SCHIP1: variants seen among roughly 807,000 people sequenced by gnomAD.
SCHIP1 encodes schwannomin interacting protein 1.
A neutral mutation model predicts 29.7 loss-of-function variants in SCHIP1; 8 were observed. That is an observed-to-expected ratio of 0.27 (90% CI 0.16 to 0.49). The LOEUF (loss-of-function observed/expected upper bound fraction) is 0.49, where lower values mean the gene tolerates loss of function less well. SCHIP1 is among the 20% of genes least tolerant of loss of function. The pLI is 0.99. For missense variants in SCHIP1, 193 were observed against 294.6 expected, an observed-to-expected ratio of 0.66 and a Z score of 2.52; for synonymous variants, 76 against 94.9, an observed-to-expected ratio of 0.80 and a Z score of 1.16.
intron 6 of SCHIP1, 145 bp downstream of exon 7, chr3:159,892,335 T>G (rs1717620361): frequency 2.3e-6 from 2 of 873,946 alleles, no homozygotes; most frequent in Non-Finnish European, 3.6e-6. Context: ...GCTGTTCAGA[T>G]GGAGGGGAAG....
chr3:159,289,339 T>G, the SCHIP1 span, among the ~76,000 whole-genome samples: 1 of 152,234 alleles, frequency 6.6e-6, no homozygotes, highest in South Asian at 2.1e-4. Flanking sequence ...TCCTATGTGA[T>G]CTGGTCATTT....
At chr3:159,636,427 G>T in the SCHIP1 span, among the ~76,000 whole-genome samples, 1 of 152,216 alleles carries the variant, frequency 6.6e-6, no homozygotes, top group South Asian at 2.1e-4. Context: ...TGTTTTCTCT[G>T]CTGAAGCTAA....
chr3:159,570,204 C>A, the SCHIP1 span, among the ~76,000 whole-genome samples: 57 of 152,152 alleles, frequency 3.7e-4, no homozygotes, highest in African/African-American at 1.2e-3. Flanking sequence ...TGTTTTAGTC[C>A]TGAAGTCCTT....
upstream of SCHIP1, among the ~76,000 whole-genome samples, chr3:159,837,583 C>T (rs914214411): frequency 2.0e-5 from 3 of 152,086 alleles, no homozygotes; most frequent in Non-Finnish European, 2.9e-5. Context: ...ATTAGCCGGG[C>T]GTGGTGGTGC....
the SCHIP1 span, among the ~76,000 whole-genome samples, chr3:159,703,155 T>A: frequency 6.6e-6 from 1 of 152,212 alleles, no homozygotes; most frequent in Non-Finnish European, 1.5e-5. Context: ...CCTTTCTGTT[T>A]AGACTGAAGC....
the SCHIP1 span, among the ~76,000 whole-genome samples, chr3:159,355,210 A>G: frequency 6.6e-6 from 1 of 151,988 alleles, no homozygotes; most frequent in Non-Finnish European, 1.5e-5. Flanking sequence ...GCACACACAC[A>G]TACAAACCTC....
At chr3:159,438,913 C>T in the SCHIP1 span, among the ~76,000 whole-genome samples, 1 of 152,052 alleles carries the variant, frequency 6.6e-6, no homozygotes, top group Non-Finnish European at 1.5e-5. Context: ...ATGTTGATTC[C>T]ATGTCTTTGC....
the SCHIP1 span, among the ~76,000 whole-genome samples, chr3:159,588,799 G>T: frequency 2.0e-5 from 3 of 152,044 alleles, no homozygotes; most frequent in African/African-American, 7.2e-5. Context: ...ATTTCTGAGG[G>T]CTCTGTTCTG....
At chr3:159,423,669 C>T in the SCHIP1 span, among the ~76,000 whole-genome samples, 2 of 152,246 alleles carry the variant, frequency 1.3e-5, no homozygotes, top group South Asian at 4.1e-4. Flanking sequence ...CCTCCGCAGA[C>T]TTAAATGTCC....
the SCHIP1 span, among the ~76,000 whole-genome samples, chr3:159,684,462 T>C: frequency 6.6e-6 from 1 of 152,122 alleles, no homozygotes; most frequent in Non-Finnish European, 1.5e-5. Context: ...CATTAACCCT[T>C]CCATGTTACA....
the SCHIP1 span, among the ~76,000 whole-genome samples, chr3:159,332,779 G>T: frequency 6.6e-6 from 1 of 152,202 alleles, no homozygotes. Flanking sequence ...GGGGTGGGCA[G>T]GGTGAAGCAA....
the SCHIP1 span, among the ~76,000 whole-genome samples, chr3:159,643,801 G>T: frequency 6.6e-6 from 1 of 152,072 alleles, no homozygotes; most frequent in Non-Finnish European, 1.5e-5. Context: ...AATGCATAAT[G>T]AACCTGGCCT....
chr3:159,691,316 T>G, the SCHIP1 span, among the ~76,000 whole-genome samples: 1 of 152,204 alleles, frequency 6.6e-6, no homozygotes, highest in Non-Finnish European at 1.5e-5. Flanking sequence ...CTCTTCTTGT[T>G]GCACTTATCC....
the SCHIP1 span, among the ~76,000 whole-genome samples, chr3:159,634,128 G>A: frequency 6.6e-6 from 1 of 152,080 alleles, no homozygotes; most frequent in Non-Finnish European, 1.5e-5. Flanking sequence ...AGAGAGCTTA[G>A]TAACAGAAAA....
the SCHIP1 span, among the ~76,000 whole-genome samples, chr3:159,558,884 C>T: frequency 6.6e-6 from 1 of 152,138 alleles, no homozygotes; most frequent in Non-Finnish European, 1.5e-5. Flanking sequence ...CCTTATGACT[C>T]TGTATTATCT....
the SCHIP1 span, among the ~76,000 whole-genome samples, chr3:159,644,614 C>A: frequency 6.6e-6 from 1 of 152,110 alleles, no homozygotes; most frequent in Admixed American, 6.6e-5. Context: ...GATCAATAAG[C>A]AGGACCATAA....
the SCHIP1 span, among the ~76,000 whole-genome samples, chr3:159,563,671 A>C: frequency 6.6e-6 from 1 of 152,158 alleles, no homozygotes; most frequent in Non-Finnish European, 1.5e-5. Context: ...TCTACAAAAA[A>C]TGAAAACAGC....
At chr3:159,751,562 T>TTTG in the SCHIP1 span, among the ~76,000 whole-genome samples, 2 of 151,934 alleles carry the variant, frequency 1.3e-5, no homozygotes, top group African/African-American at 4.8e-5. Flanking sequence ...TTTTTTTTTT[T>TTTG]GAGACGGAGT....
the SCHIP1 span, among the ~76,000 whole-genome samples, chr3:159,690,808 T>A: frequency 1.3e-5 from 2 of 152,236 alleles, no homozygotes; most frequent in African/African-American, 4.8e-5. Flanking sequence ...TTTGTTCTTG[T>A]TGGCTTCAAA....
Sources: allele counts gnomAD v4.1 joint callset (sites outside exome capture counted in the v4.1 genomes callset), GRCh38; gene constraint gnomAD v4.1.1; transcripts MANE v1.5; gene names NCBI Gene and HGNC (gene_info 2026-07-23, HGNC 2026-07-21).